THSD4: variants seen among roughly 807,000 people sequenced by gnomAD.
The protein encoded by THSD4 is thrombospondin type-1 domain-containing protein 4.
Under a neutral mutation model 119.0 loss-of-function variants are expected in THSD4, and 69 were observed. The observed-to-expected ratio is 0.58, with a 90% CI of 0.48 to 0.71. THSD4 has a LOEUF of 0.71. Ranked by LOEUF, THSD4 falls within the 30% of genes least tolerant of loss-of-function variation. The pLI is 0.00. For synonymous variants in THSD4, 524 were observed against 540.4 expected (o/e 0.97, Z 0.42); for missense variants, 1,393 against 1,391.1 (o/e 1.00, Z -0.02).
rs574612897 is a variant in THSD4 at position 71,310,901 on chromosome 15, G to A, written c.1015+54186G>A. Among the ~76,000 whole-genome samples, 15 of 152,234 alleles carry A rather than the reference G, an allele frequency of 9.9e-5. No individual in the cohort carries two copies. In the South Asian group the frequency reaches 2.3e-3, roughly 23 times the overall value. ...AAAACCTTTTACTTCTGAGGCCTTC[G>A]TTTTGGGGTGTTGTTTACTGAGCCC... On this transcript the variant is annotated intron_variant, in intron 6 of 17. Transcript: ENST00000261862.
chr15:71,304,583 G>T (rs889397167), intron 6 of THSD4, among the ~76,000 whole-genome samples: 1 of 151,828 alleles, frequency 6.6e-6, no homozygotes, highest in Non-Finnish European at 1.5e-5. Flanking sequence ...CGGAAGATTC[G>T]GTCGGTATTT....
rs1258604592 is a variant in THSD4 at position 71,103,738 on chromosome 15, G to A, written c.-80+6732G>A. 4.6e-5 allele frequency among the ~76,000 whole-genome samples: 7 copies of A among 151,748 alleles called. No individual in the cohort carries two copies. The East Asian group carries it at 1.2e-3, about 25-fold the overall frequency. ...CTCAGCCTCTGCCACCACCACTGCT[G>A]CTACAATATTGCCTGTGGGCTGAGG... On this transcript the variant is annotated intron_variant, in intron 1 of 17. Coordinates refer to the THSD4 transcript ENST00000355327.
At chr15:71,566,369 A>G (rs958657409) in intron 7 of THSD4, among the ~76,000 whole-genome samples, 15 of 152,202 alleles carry the variant, frequency 9.9e-5, no homozygotes, top group Non-Finnish European at 8.8e-5. Flanking sequence ...ATTCAGGATC[A>G]GCCCACAGAT....
chr15:71,433,980 C>G (rs1010970535), intron 7 of THSD4, among the ~76,000 whole-genome samples: 1 of 152,072 alleles, frequency 6.6e-6, no homozygotes, highest in Non-Finnish European at 1.5e-5. Context: ...AACAAACAAG[C>G]ATCAAAAATT....
rs146951353 is a variant in THSD4 at position 71,616,267 on chromosome 15, A to G, written c.1153-44263A>G. Among the ~76,000 whole-genome samples, 333 of 152,308 alleles carry G rather than the reference A, an allele frequency of 2.2e-3. 2 individuals carry two copies. The Middle Eastern group carries it at 0.041, about 19-fold the overall frequency. On this transcript the variant is annotated intron_variant, in intron 7 of 17. Transcript: ENST00000261862. ...GAACTGACCTTCAGTAAAAACCACT[A>G]GTATGAAAAAAGGTTTAAAAAGTGA... is the stretch of plus-strand genomic sequence containing the variant.
intron 6 of THSD4, among the ~76,000 whole-genome samples, chr15:71,404,188 G>A (rs573919780): frequency 2.6e-5 from 4 of 152,152 alleles, no homozygotes; most frequent in Non-Finnish European, 5.9e-5. Context: ...TGATATGATT[G>A]CAAACATTTT....
intron 7 of THSD4, among the ~76,000 whole-genome samples, chr15:71,618,059 C>T (rs1161351481): frequency 6.6e-6 from 1 of 152,164 alleles, no homozygotes; most frequent in African/African-American, 2.4e-5. Flanking sequence ...TAGCCCAAAG[C>T]TTGGAAACAC....
intron 6 of THSD4, among the ~76,000 whole-genome samples, chr15:71,302,037 C>T (rs916211905): frequency 1.3e-5 from 2 of 152,160 alleles, no homozygotes; most frequent in Admixed American, 6.5e-5. Context: ...TGGGAGCAAG[C>T]TTAGGGTTGG....
intron 10 of THSD4, chr15:71,731,821 A>G (rs1419193003): frequency 6.5e-6 from 1 of 153,426 alleles, no homozygotes; most frequent in African/African-American, 2.4e-5. Context: ...ACTTTCTTAG[A>G]GCTCTGGAGG....
At chr15:71,738,649 T>C (rs2053175413) in intron 11 of THSD4, among the ~76,000 whole-genome samples, 1 of 152,194 alleles carries the variant, frequency 6.6e-6, no homozygotes, top group South Asian at 2.1e-4. Flanking sequence ...GGGATGCACT[T>C]AATTCTCTCA....
intron 17 of THSD4, among the ~76,000 whole-genome samples, chr15:71,775,142 A>G (rs1443823945): frequency 4.6e-5 from 7 of 151,708 alleles, no homozygotes; most frequent in African/African-American, 1.5e-4. Flanking sequence ...GCAAAACTCC[A>G]TCTCAAAAAA....
At chr15:71,457,217 AC>A (rs1188590807) in intron 7 of THSD4, among the ~76,000 whole-genome samples, 3 of 151,846 alleles carry the variant, frequency 2.0e-5, no homozygotes, top group South Asian at 2.1e-4. Context: ...CCCTATCTCC[AC>A]AAAAAATGTA....
At chr15:71,583,296 G>A (rs556806285) in intron 7 of THSD4, among the ~76,000 whole-genome samples, 73 of 152,010 alleles carry the variant, frequency 4.8e-4, no homozygotes, top group Admixed American at 8.5e-4. Context: ...TTGAGCCTTT[G>A]ACTCTTTTCT....
At chr15:71,490,576 A>C (rs867004482) in intron 7 of THSD4, among the ~76,000 whole-genome samples, 1 of 147,584 alleles carries the variant, frequency 6.8e-6, no homozygotes, top group African/African-American at 2.5e-5. Flanking sequence ...AAAAAAAAAA[A>C]AAAACATTAG....
At chr15:71,361,445 G>A (rs189346716) in intron 6 of THSD4, among the ~76,000 whole-genome samples, 117 of 152,246 alleles carry the variant, frequency 7.7e-4, no homozygotes, top group Middle Eastern at 3.4e-3. Context: ...TTATGAGGAA[G>A]GTGTAACCTA....
At chr15:71,688,458 G>T (rs55690839) in intron 8 of THSD4, among the ~76,000 whole-genome samples, 20,976 of 152,152 alleles carry the variant, frequency 0.14, 1,435 homozygotes, top group South Asian at 0.2. Flanking sequence ...TCATAAAAAT[G>T]AAAAGTAAAA....
intron 6 of THSD4, among the ~76,000 whole-genome samples, chr15:71,305,724 G>A (rs1303497795): frequency 6.6e-6 from 1 of 152,166 alleles, no homozygotes; most frequent in Non-Finnish European, 1.5e-5. Context: ...ATGCTGTCCA[G>A]GAGAAATGGA....
chr15:71,582,125 C>G (rs1394291602), intron 7 of THSD4, among the ~76,000 whole-genome samples: 1 of 152,086 alleles, frequency 6.6e-6, no homozygotes, highest in Non-Finnish European at 1.5e-5. Context: ...TTCTTCCAAT[C>G]CATGAATGTA....
At chr15:71,565,381 C>G (rs2049214194) in intron 7 of THSD4, among the ~76,000 whole-genome samples, 1 of 152,156 alleles carries the variant, frequency 6.6e-6, no homozygotes, top group Non-Finnish European at 1.5e-5. Context: ...GTAATGCAGC[C>G]CAGAGCAGAA....
Sources: gnomAD v4.1 joint callset for allele counts (sites outside exome capture counted in the v4.1 genomes callset) on GRCh38, gnomAD v4.1.1 for gene constraint, MANE v1.5 for transcripts, NCBI Gene and HGNC (gene_info 2026-07-23, HGNC 2026-07-21) for gene names.